The following USP48 variants were observed in gnomAD, a reference collection of about 807,000 sequenced individuals.
The protein encoded by USP48 is ubiquitin carboxyl-terminal hydrolase 48.
In USP48, 43 loss-of-function variants were observed where a neutral mutation model predicts 150.7. The observed-to-expected ratio is 0.29, with a 90% CI of 0.22 to 0.37. The LOEUF (loss-of-function observed/expected upper bound fraction) is 0.37. USP48 is among the 10% of genes least tolerant of loss of function. USP48 has a pLI of 1.00. For missense variants in USP48, 813 were observed against 1,249.6 expected, an observed-to-expected ratio of 0.65 and a Z score of 5.27; for synonymous variants, 396 against 425.9, an observed-to-expected ratio of 0.93 and a Z score of 0.86.
intron 25 of USP48, among the ~76,000 whole-genome samples, chr1:21,683,424 A>G (rs1319034644): frequency 6.6e-6 from 1 of 151,988 alleles, no homozygotes; most frequent in East Asian, 1.9e-4. Context: ...TCAATCTGTC[A>G]CCCAGGCTTG....
At chr1:21,700,141 C>T (rs2152512823) in intron 22 of USP48, among the ~76,000 whole-genome samples, 1 of 151,886 alleles carries the variant, frequency 6.6e-6, no homozygotes, top group Admixed American at 6.6e-5. Flanking sequence ...GCATCACTTA[C>T]TATAGAAAAA....
chr1:21,681,115 G>T (rs1031535288), intron 25 of USP48: 2 of 270,122 alleles, frequency 7.4e-6, no homozygotes, highest in Non-Finnish European at 1.4e-5. Context: ...AGTGGCCTGG[G>T]AGGAAGCCAT....
chr1:21,778,401 T>A (rs1207387870), intron 1 of USP48, among the ~76,000 whole-genome samples: 1 of 151,940 alleles, frequency 6.6e-6, no homozygotes, highest in African/African-American at 2.4e-5. Flanking sequence ...CATAGAGCAA[T>A]TGGAATCCTC....
At chr1:21,762,825 C>T (rs900872524) in intron 1 of USP48, among the ~76,000 whole-genome samples, 4 of 145,364 alleles carry the variant, frequency 2.8e-5, no homozygotes, top group Non-Finnish European at 4.5e-5. Context: ...GAGATCACGC[C>T]ACTGCACTCC....
At chr1:21,707,153 G>A (rs917721843) in intron 15 of USP48, among the ~76,000 whole-genome samples, 4 of 152,050 alleles carry the variant, frequency 2.6e-5, no homozygotes, top group African/African-American at 2.4e-5. Flanking sequence ...AGCTAAAACC[G>A]TGCATTTTCT....
intron 1 of USP48, among the ~76,000 whole-genome samples, chr1:21,770,461 ATAAT>A (rs1472849810): frequency 6.7e-6 from 1 of 150,366 alleles, no homozygotes. Flanking sequence ...TTCTTTTGTG[ATAAT>A]TAGTCAATCA....
chr1:21,759,003 T>C (rs2097843577), intron 1 of USP48, among the ~76,000 whole-genome samples: 1 of 151,760 alleles, frequency 6.6e-6, no homozygotes, highest in Non-Finnish European at 1.5e-5. Context: ...TGAAACCCTG[T>C]CTCTACTAGA....
intron 15 of USP48, among the ~76,000 whole-genome samples, chr1:21,709,287 G>T (rs2097683793): frequency 6.6e-6 from 1 of 151,822 alleles, no homozygotes; most frequent in Non-Finnish European, 1.5e-5. Flanking sequence ...TAACAGACTT[G>T]TTACCAGAGA....
chr1:21,697,543 G>C (rs1462834518), intron 22 of USP48, among the ~76,000 whole-genome samples: 1 of 151,674 alleles, frequency 6.6e-6, no homozygotes, highest in Middle Eastern at 3.4e-3. Flanking sequence ...GGCGCCTGTA[G>C]TCCCAGCTAC....
In USP48 at chr1:21,758,223, C is replaced by CACAG. The variant is rs767183050; in HGVS notation, c.135-441_135-440insCTGT. 5.2e-4 allele frequency among the ~76,000 whole-genome samples: 78 copies of CACAG among 150,682 alleles called. 2 individuals carry two copies. The East Asian group carries it at 0.015, about 28-fold the overall frequency. On this transcript the variant is annotated intron_variant, in intron 1 of 26. Transcript: ENST00000308271. The stretch of plus-strand genomic sequence containing the variant: ...ACACACACACACACACACACACACA[C>CACAG]AGCATGAAAAAGATATCTATGAACA...
At chr1:21,757,627 C>G (rs775092684) in intron 2 of USP48, 36 bp downstream of exon 2, 3 of 1,580,986 alleles carry the variant, frequency 1.9e-6, no homozygotes, top group South Asian at 2.3e-5. Flanking sequence ...AAACAAAAAA[C>G]AGCATATAGC....
At chr1:21,731,601 C>T (rs942294476) in intron 9 of USP48, among the ~76,000 whole-genome samples, 3 of 150,668 alleles carry the variant, frequency 2.0e-5, no homozygotes, top group African/African-American at 7.3e-5. Flanking sequence ...ATGAAATGGG[C>T]CAGGTGCGGT....
intron 23 of USP48, among the ~76,000 whole-genome samples, chr1:21,694,685 CTAA>C (rs1050297331): frequency 4.2e-5 from 6 of 143,818 alleles, no homozygotes; most frequent in Non-Finnish European, 6.0e-5. Context: ...TCACTAATCG[CTAA>C]TAATAAGCTG....
In USP48 at chr1:21,722,457, T is replaced by G. The variant is rs546392935; in HGVS notation, c.1649-693A>C. Among the ~76,000 whole-genome samples, 138 of 151,116 alleles carry G rather than the reference T, an allele frequency of 9.1e-4. No individual in the cohort carries two copies. The Middle Eastern group carries it at 0.01, about 11-fold the overall frequency. ...GGGAAGCTGAGGTGGGAGGACTGCT[T>G]AAGCCTAGAAGTTCTAGGCTGTAGT... is the stretch of plus-strand genomic sequence containing the variant. On this transcript the variant is annotated intron_variant, in intron 12 of 26. Coordinates refer to ENST00000308271, the MANE Select transcript of USP48 (RefSeq NM_032236.8).
At chr1:21,681,847 T>C (rs776976239) in intron 25 of USP48, among the ~76,000 whole-genome samples, 3 of 152,184 alleles carry the variant, frequency 2.0e-5, no homozygotes, top group Non-Finnish European at 4.4e-5. Context: ...TGTATTTATC[T>C]CCAATTCACG....
chr1:21,780,696 T>C (rs2097912086), intron 1 of USP48, among the ~76,000 whole-genome samples: 1 of 151,752 alleles, frequency 6.6e-6, no homozygotes, highest in African/African-American at 2.4e-5. Flanking sequence ...TAGGGAAATT[T>C]AGAGGCGGAA....
chr1:21,719,201 G>C (rs1314242842), intron 14 of USP48, among the ~76,000 whole-genome samples: 4 of 150,838 alleles, frequency 2.7e-5, no homozygotes, highest in Admixed American at 2.0e-4. Flanking sequence ...GGAGGGACGG[G>C]GGGCGGGGGG....
intron 9 of USP48, among the ~76,000 whole-genome samples, chr1:21,732,257 C>T (rs1279676940): frequency 1.6e-5 from 2 of 126,436 alleles, no homozygotes; most frequent in Admixed American, 9.5e-5. Context: ...CCAGCCTGGG[C>T]GACACAGTGA....
intron 22 of USP48, among the ~76,000 whole-genome samples, chr1:21,698,678 TA>T (rs1294119379): frequency 6.6e-6 from 1 of 152,048 alleles, no homozygotes; most frequent in Non-Finnish European, 1.5e-5. Flanking sequence ...CAGCAGGCAA[TA>T]AAAGATTTGA....
Sources: gnomAD v4.1 joint callset for allele counts (sites outside exome capture counted in the v4.1 genomes callset) on GRCh38, gnomAD v4.1.1 for gene constraint, MANE v1.5 for transcripts, NCBI Gene and HGNC (gene_info 2026-07-23, HGNC 2026-07-21) for gene names.